Variants in CIT observed in about 807,000 individuals in gnomAD.
CIT encodes citron Rho-interacting kinase.
In CIT, 79 loss-of-function variants were observed where a neutral mutation model predicts 272.7. The ratio of observed to expected loss-of-function variants is 0.29; its 90% CI spans 0.24 to 0.35. The LOEUF is 0.35. CIT is among the 10% of genes least tolerant of loss of function. The pLI, the probability that CIT is intolerant of heterozygous loss-of-function variation, is 1.00. For missense variants in CIT, 1,909 were observed against 2,618.3 expected (o/e 0.73, Z 5.91); for synonymous variants, 948 against 995.6 (o/e 0.95, Z 0.90).
In CIT at chr12:119,771,254, C is replaced by T. The variant is rs192540215; in HGVS notation, c.2083-344G>A. On this transcript the variant is annotated intron_variant, in intron 17 of 47. Coordinates refer to ENST00000392521, the MANE Select transcript of CIT (RefSeq NM_001206999.2). ...AATATAGGTTAAGAGGAGGAAGAAC[C>T]ATAAAGCAAAGAGGTACAAAGTGCT... Among the ~76,000 whole-genome samples the T allele has an allele frequency of 1.4e-3, 220 of 152,196 alleles. 1 individual carries two copies. Among genetic ancestry groups the T allele is most frequent in the Non-Finnish European group, 2.7e-3 (182 of 68,030 alleles).
At chr12:119,858,730 G>A (rs561912806) in intron 3 of CIT, among the ~76,000 whole-genome samples, 1 of 151,636 alleles carries the variant, frequency 6.6e-6, no homozygotes, top group Non-Finnish European at 1.5e-5. Flanking sequence ...GCTGAGGCAG[G>A]AGAATGGCGT....
At chr12:119,746,420 G>C (rs1160019759) in intron 23 of CIT, among the ~76,000 whole-genome samples, 2 of 152,144 alleles carry the variant, frequency 1.3e-5, no homozygotes, top group African/African-American at 4.8e-5. Flanking sequence ...CCTGTAATTT[G>C]CCAGTCTCTG....
chr12:119,832,683 C>T (rs534436075), intron 7 of CIT, 88 bp downstream of exon 7: 261 of 1,089,190 alleles, frequency 2.4e-4, no homozygotes, highest in Non-Finnish European at 3.5e-4. Flanking sequence ...CATTGTTCAC[C>T]ATTTTATCCC....
intron 30 of CIT, 110 bp downstream of exon 30, chr12:119,720,368 A>G (rs1957761017): frequency 8.2e-6 from 6 of 734,346 alleles, no homozygotes; most frequent in South Asian, 7.6e-5. Context: ...CAAAAAAAGT[A>G]TACTTTGTTT....
intron 2 of CIT, among the ~76,000 whole-genome samples, chr12:119,872,184 A>C (rs1210256496): frequency 6.6e-6 from 1 of 152,224 alleles, no homozygotes; most frequent in Non-Finnish European, 1.5e-5. Flanking sequence ...CCCTTTATGA[A>C]ATACAAGGGC....
Position 119,708,168 on chromosome 12 carries a change from G to A in CIT, c.5211+11C>T. The A allele has an allele frequency of 6.5e-7, 1 of 1,549,340 alleles. No individual in the cohort carries two copies. Among genetic ancestry groups the A allele is most frequent in the Non-Finnish European group, 8.7e-7 (1 of 1,146,890 alleles). The stretch of plus-strand genomic sequence containing the variant: ...AACATTCCACCAGCTAGGACTCTGA[G>A]GGGAGCTTACCTTGCCTGCCCCAAA... On this transcript the variant is annotated intron_variant, in intron 40 of 47. Transcript: ENST00000392521.
chr12:119,835,802 C>A (rs1968953272), intron 5 of CIT, among the ~76,000 whole-genome samples: 2 of 152,098 alleles, frequency 1.3e-5, no homozygotes, highest in African/African-American at 4.8e-5. Context: ...AGGAAGTGTG[C>A]CCAGCACCAA....
chr12:119,773,669 G>A (rs1011316188), intron 16 of CIT, among the ~76,000 whole-genome samples: 1 of 152,162 alleles, frequency 6.6e-6, no homozygotes, highest in African/African-American at 2.4e-5. Flanking sequence ...CTGACCTCAG[G>A]AGTTCGCCTC....
At chr12:119,735,596 A>C (rs982214765) in intron 24 of CIT, among the ~76,000 whole-genome samples, 3 of 152,236 alleles carry the variant, frequency 2.0e-5, no homozygotes, top group African/African-American at 4.8e-5. Flanking sequence ...CATCTAAAAA[A>C]TATGGCAAAA....
chr12:119,846,969 G>A (rs976502247), intron 5 of CIT, among the ~76,000 whole-genome samples: 42 of 145,086 alleles, frequency 2.9e-4, no homozygotes, highest in African/African-American at 1.0e-3. Flanking sequence ...CAAAAGCCCT[G>A]TTGTTTCAAG....
chr12:119,805,309 G>A (rs1966529342), intron 9 of CIT, among the ~76,000 whole-genome samples: 2 of 152,186 alleles, frequency 1.3e-5, no homozygotes, highest in African/African-American at 2.4e-5. Context: ...TAACCTCTCT[G>A]AACCTCAGTT....
At position 119,869,008 on chromosome 12, in the gene CIT, T is replaced by C. The variant is rs937139246; in HGVS notation, c.238+52A>G. The stretch of plus-strand genomic sequence containing the variant: ...TAACTCATTCTGCCTCAAGCATCTT[T>C]CTAGTTTTTCTCTCTCAGGACAGTT... On this transcript the variant is annotated intron_variant, in intron 3 of 47. Coordinates refer to ENST00000392521, the MANE Select transcript of CIT (RefSeq NM_001206999.2). 3.8e-6 allele frequency: 6 copies of C among 1,598,934 alleles called. No individual in the cohort carries two copies. In the African/African-American group the frequency reaches 8.1e-5, roughly 22 times the overall value.
intron 26 of CIT, among the ~76,000 whole-genome samples, chr12:119,733,664 G>T (rs1211319795): frequency 6.6e-6 from 1 of 152,130 alleles, no homozygotes; most frequent in Non-Finnish European, 1.5e-5. Context: ...GTGGGAAGGG[G>T]GTTGTTGGTG....
chr12:119,849,017 GAAGAA>G (rs760349235), intron 5 of CIT, among the ~76,000 whole-genome samples: 19 of 149,892 alleles, frequency 1.3e-4, no homozygotes, highest in African/African-American at 3.7e-4. Flanking sequence ...CTCAAAAAAA[GAAGAA>G]AAGAAAAGAA....
chr12:119,711,088 G>A (rs753000097), intron 37 of CIT: 14 of 1,366,724 alleles, frequency 1.0e-5, no homozygotes, highest in Admixed American at 3.8e-5. Context: ...AAACACAGTC[G>A]CGGGCCTATT....
intron 9 of CIT, among the ~76,000 whole-genome samples, chr12:119,813,751 G>T (rs1202275597): frequency 6.6e-6 from 1 of 152,160 alleles, no homozygotes; most frequent in African/African-American, 2.4e-5. Context: ...CTGCTGGCTT[G>T]CACTAAGAGG....
chr12:119,877,165 C>T (rs1594034146), intron 1 of CIT, 84 bp downstream of exon 1: 2 of 152,232 alleles, frequency 1.3e-5, no homozygotes, highest in Admixed American at 1.3e-4. Context: ...GAGGGAAACC[C>T]GGGACTTGTA....
chr12:119,791,157 A>G (rs1343864306), intron 10 of CIT, among the ~76,000 whole-genome samples: 4 of 152,204 alleles, frequency 2.6e-5, no homozygotes, highest in African/African-American at 9.6e-5. Flanking sequence ...ATCACCAAAC[A>G]GTCATGGCTT....
In CIT at chr12:119,712,893, T is replaced by G; in HGVS notation, c.4580-198A>C. Reference sequence around the variant, plus strand: ...ATAAAAAAAAATAAAGTGTGTCAGATGAGTAGCACAGTCAAATTTCTGATG... The same window carrying G: ...ATAAAAAAAAATAAAGTGTGTCAGAGGAGTAGCACAGTCAAATTTCTGATG... On this transcript the variant is annotated intron_variant, in intron 35 of 47. Coordinates refer to ENST00000392521, the MANE Select transcript of CIT (RefSeq NM_001206999.2). The surrounding 1 kb of genome is among the most constrained non-coding windows in gnomAD (Gnocchi z 5.2). 8.6e-6 allele frequency: 5 copies of G among 583,150 alleles called. No homozygotes were observed. Among genetic ancestry groups the G allele is most frequent in the South Asian group, 8.4e-5 (4 of 47,694 alleles). 36.1% of individuals were successfully genotyped at this position (583,150 alleles called of 1,614,324 possible). A position where few individuals can be genotyped will look rare whatever the true frequency, so the allele number is the denominator to read the frequency against.
Sources: gnomAD v4.1 joint callset for allele counts (sites outside exome capture counted in the v4.1 genomes callset) on GRCh38, gnomAD v4.1.1 for gene constraint, Gnocchi (gnomAD v3.1) non-coding constraint, MANE v1.5 for transcripts, NCBI Gene and HGNC (gene_info 2026-07-23, HGNC 2026-07-21) for gene names.